Variants in ADAMTS17 observed in about 807,000 individuals in gnomAD.
The protein encoded by ADAMTS17 is A disintegrin and metalloproteinase with thrombospondin motifs 17.
Under a neutral mutation model 141.5 loss-of-function variants are expected in ADAMTS17, and 113 were observed. The ratio of observed to expected loss-of-function variants is 0.80; its 90% CI spans 0.69 to 0.93. The LOEUF (loss-of-function observed/expected upper bound fraction) is 0.93, where lower values mean the gene tolerates loss of function less well. Among genes scored for constraint, ADAMTS17 ranks in the 40% least tolerant of loss-of-function variants. ADAMTS17 has a pLI of 0.00. For missense variants in ADAMTS17, 1,659 were observed against 1,517.9 expected (o/e 1.09, Z -1.54); for synonymous variants, 768 against 630.6 (o/e 1.22, Z -3.27).
At chr15:100,094,987 G>A (rs553990005) in intron 15 of ADAMTS17, among the ~76,000 whole-genome samples, 12 of 152,356 alleles carry the variant, frequency 7.9e-5, no homozygotes, top group Admixed American at 2.0e-4. Context: ...GCCGCTGGCC[G>A]TGTGCAGCAA....
chr15:100,116,811 G>C (rs1333307637), intron 13 of ADAMTS17, 36 bp downstream of exon 13: 4 of 1,613,762 alleles, frequency 2.5e-6, no homozygotes, highest in Admixed American at 1.7e-5. Flanking sequence ...GGGAGGACAG[G>C]AGGCTGCCAT....
intron 18 of ADAMTS17, among the ~76,000 whole-genome samples, chr15:100,024,663 T>G (rs1344684872): frequency 6.6e-6 from 1 of 152,216 alleles, no homozygotes; most frequent in Non-Finnish European, 1.5e-5. Context: ...TTTACATTTG[T>G]GAAGGCTTTA....
At chr15:100,152,965 T>A (rs1567265824) in intron 9 of ADAMTS17, among the ~76,000 whole-genome samples, 42 of 21,556 alleles carry the variant, frequency 1.9e-3, no homozygotes, top group Non-Finnish European at 5.5e-3. Flanking sequence ...AATGTGAATC[T>A]TCGCTCTGAA....
chr15:100,110,880 C>T (rs565467457), intron 13 of ADAMTS17, among the ~76,000 whole-genome samples: 67 of 152,262 alleles, frequency 4.4e-4, no homozygotes, highest in African/African-American at 1.5e-3. Context: ...TCAGAGCAGA[C>T]GTGCTGTCTC....
intron 16 of ADAMTS17, among the ~76,000 whole-genome samples, chr15:100,052,420 T>C (rs1296504703): frequency 2.0e-5 from 3 of 152,218 alleles, no homozygotes; most frequent in Non-Finnish European, 4.4e-5. Flanking sequence ...GCCATCAATA[T>C]TAAGCGAGGG....
chr15:100,299,333 C>T (rs929939057), intron 3 of ADAMTS17, among the ~76,000 whole-genome samples: 1 of 151,628 alleles, frequency 6.6e-6, no homozygotes, highest in East Asian at 1.9e-4. Flanking sequence ...TCGGGGGACT[C>T]GCAGGCAGGA....
intron 17 of ADAMTS17, among the ~76,000 whole-genome samples, chr15:100,050,231 G>A (rs1219777641): frequency 3.3e-5 from 5 of 152,210 alleles, no homozygotes; most frequent in African/African-American, 1.2e-4. Context: ...TAAAAGGATT[G>A]CCACCAAGCC....
At chr15:100,003,233 G>A (rs780227703) in intron 18 of ADAMTS17, among the ~76,000 whole-genome samples, 3 of 152,114 alleles carry the variant, frequency 2.0e-5, no homozygotes, top group East Asian at 1.9e-4. Flanking sequence ...CTTGCTCCAC[G>A]CCCTTCCTTC....
chr15:100,204,573 C>T (rs1206587047), intron 7 of ADAMTS17, among the ~76,000 whole-genome samples: 1 of 152,182 alleles, frequency 6.6e-6, no homozygotes, highest in African/African-American at 2.4e-5. Context: ...CAAAGGAAAA[C>T]TAACTACAAA....
intron 3 of ADAMTS17, among the ~76,000 whole-genome samples, chr15:100,309,767 C>T (rs2045344008): frequency 6.6e-6 from 1 of 152,234 alleles, no homozygotes. Flanking sequence ...TCCTCTCCTC[C>T]AGAACTCTGG....
intron 8 of ADAMTS17, among the ~76,000 whole-genome samples, chr15:100,157,522 G>A (rs1045365586): frequency 6.6e-6 from 1 of 152,118 alleles, no homozygotes; most frequent in Non-Finnish European, 1.5e-5. Flanking sequence ...ATATTTTCGC[G>A]TGGTCTGGAC....
intron 13 of ADAMTS17, among the ~76,000 whole-genome samples, chr15:100,116,458 T>C (rs1454026699): frequency 6.6e-6 from 1 of 152,236 alleles, no homozygotes; most frequent in Non-Finnish European, 1.5e-5. Flanking sequence ...ACAGGGATCA[T>C]CCACATTGGA....
At chr15:100,068,156 T>G (rs1375449077) in intron 15 of ADAMTS17, among the ~76,000 whole-genome samples, 1 of 152,116 alleles carries the variant, frequency 6.6e-6, no homozygotes, top group East Asian at 1.9e-4. Context: ...CGCTCATTGC[T>G]AGCACAGCAG....
At position 100,231,653 on chromosome 15, in the gene ADAMTS17, G is replaced by C. The variant is rs139064176; in HGVS notation, c.1075+22483C>G. Among the ~76,000 whole-genome samples, 823 of 152,264 alleles carry C rather than the reference G, an allele frequency of 5.4e-3. 3 individuals carry two copies. Among genetic ancestry groups the C allele is most frequent in the Non-Finnish European group, 9.3e-3 (630 of 68,018 alleles). ...ATGTCACACAATGTGTAATTTCCTG[G>C]TGTGTCCAAGGGTTCTCAGGGCAGG... On this transcript the variant is annotated intron_variant, in intron 7 of 21. Coordinates refer to ENST00000268070, the MANE Select transcript of ADAMTS17 (RefSeq NM_139057.4).
intron 7 of ADAMTS17, among the ~76,000 whole-genome samples, chr15:100,244,062 T>A (rs949874829): frequency 1.3e-5 from 2 of 152,040 alleles, no homozygotes; most frequent in Non-Finnish European, 2.9e-5. Context: ...TGAGGAGGCC[T>A]CACAGTCATG....
chr15:100,047,431 G>A (rs1056875049), intron 18 of ADAMTS17, among the ~76,000 whole-genome samples: 2 of 151,662 alleles, frequency 1.3e-5, no homozygotes, highest in African/African-American at 4.9e-5. Context: ...TGGTTTTACG[G>A]CTTGGGGGCA....
In ADAMTS17 at chr15:99,971,713, G is replaced by T. The variant is rs1038623544; in HGVS notation, c.*2689C>A. On this transcript the variant is annotated 3_prime_UTR_variant, in exon 22 of 22. Transcript: ENST00000268070. ...CTGCATTCTGATCCTATCCAGCAACGGTCAGCTGAGAGGGTTTAATTTTGC... is the reference window on the plus strand; with the variant it reads ...CTGCATTCTGATCCTATCCAGCAACTGTCAGCTGAGAGGGTTTAATTTTGC... 1 of 152,156 alleles carries T rather than the reference G, an allele frequency of 6.6e-6. No homozygotes were observed. The highest frequency in any genetic ancestry group is 1.5e-5 in the Non-Finnish European group (1 of 68,034). The allele number at this position is 152,156 out of a possible 1,614,324, so 9.4% of individuals were successfully genotyped here. A position where few individuals can be genotyped will look rare whatever the true frequency, so the allele number is the denominator to read the frequency against.
In ADAMTS17 at chr15:100,304,621, C is replaced by T. The variant is rs531438431; in HGVS notation, c.617-23220G>A. On this transcript the variant is annotated intron_variant, in intron 3 of 21. Transcript: ENST00000268070. ...CCATTCCTAGCACTTTCTTTCTCAC[C>T]ACTGTCTTCTTTCCTTTGCCTCCTG... Among the ~76,000 whole-genome samples, 36 of 152,134 alleles carry T rather than the reference C, an allele frequency of 2.4e-4. 1 individual carries two copies. Among genetic ancestry groups the T allele is most frequent in the Non-Finnish European group, 4.7e-4 (32 of 68,032 alleles).
At chr15:100,318,259 C>A (rs1040943624) in intron 3 of ADAMTS17, among the ~76,000 whole-genome samples, 3 of 151,058 alleles carry the variant, frequency 2.0e-5, no homozygotes, top group East Asian at 4.0e-4. Context: ...ATTTACCAGA[C>A]AAAATCTAAC....
Sources: gnomAD v4.1 joint callset for allele counts (sites outside exome capture counted in the v4.1 genomes callset) on GRCh38, gnomAD v4.1.1 for gene constraint, MANE v1.5 for transcripts, NCBI Gene and HGNC (gene_info 2026-07-23, HGNC 2026-07-21) for gene names.